Variants in TSC22D1 observed in about 807,000 individuals in gnomAD.
The protein encoded by TSC22D1 is TSC22 domain family member 1.
A neutral mutation model predicts 74.2 loss-of-function variants in TSC22D1; 9 were observed. That is an observed-to-expected ratio of 0.12 (90% CI 0.07 to 0.21). TSC22D1 has a LOEUF of 0.21. Ranked by LOEUF, TSC22D1 falls within the 10% of genes least tolerant of loss-of-function variation. TSC22D1 has a pLI of 1.00. For missense variants in TSC22D1, 1,427 were observed against 1,304.7 expected (o/e 1.09, Z -1.44); for synonymous variants, 586 against 492.5 (o/e 1.19, Z -2.51).
In TSC22D1 at chr13:44,432,641, C is replaced by T. The variant is rs564449866; in HGVS notation, c.*1985G>A. On this transcript the variant is annotated 3_prime_UTR_variant, in exon 3 of 3. Coordinates refer to ENST00000458659, the MANE Select transcript of TSC22D1 (RefSeq NM_183422.4). ...TTAGGGATCTTGGATGTCCCATTCA[C>T]CTCTCAATCTCCCACCAGCTCTAGA... is the stretch of plus-strand genomic sequence containing the variant. 6.6e-6 allele frequency: 1 copy of T among 152,268 alleles called. No individual in the cohort carries two copies. Among genetic ancestry groups the T allele is most frequent in the East Asian group, 1.9e-4 (1 of 5,184 alleles). 9.4% of individuals were successfully genotyped at this position (152,268 alleles called of 1,614,324 possible).
intron 1 of TSC22D1, among the ~76,000 whole-genome samples, chr13:44,550,596 A>G (rs1882171192): frequency 6.6e-6 from 1 of 151,940 alleles, no homozygotes; most frequent in Non-Finnish European, 1.5e-5. Context: ...GAAAAAAAAA[A>G]AAAAGAAAAA....
At chr13:44,455,085 A>C (rs528602178) in intron 1 of TSC22D1, among the ~76,000 whole-genome samples, 9 of 152,352 alleles carry the variant, frequency 5.9e-5, no homozygotes, top group African/African-American at 2.2e-4. Flanking sequence ...AAGACAAATA[A>C]GTACATATAC....
intron 1 of TSC22D1, among the ~76,000 whole-genome samples, chr13:44,517,851 A>ATG (rs1566149903): frequency 4.6e-5 from 1 of 21,764 alleles, no homozygotes; most frequent in Non-Finnish European, 1.6e-4. Flanking sequence ...ATATATATAT[A>ATG]TATATATTTT....
At chr13:44,564,369 TAAAAG>T (rs1883233511) in intron 1 of TSC22D1, among the ~76,000 whole-genome samples, 1 of 152,100 alleles carries the variant, frequency 6.6e-6, no homozygotes, top group African/African-American at 2.4e-5. Flanking sequence ...ATAAGCATTA[TAAAAG>T]AAAAGAACAA....
intron 1 of TSC22D1, among the ~76,000 whole-genome samples, chr13:44,467,564 C>T (rs750214353): frequency 2.0e-5 from 3 of 151,938 alleles, no homozygotes; most frequent in Non-Finnish European, 4.4e-5. Context: ...AAAATAACTC[C>T]GTTAAAAAGT....
chr13:44,493,318 T>C (rs1049978707), intron 1 of TSC22D1, among the ~76,000 whole-genome samples: 1 of 152,168 alleles, frequency 6.6e-6, no homozygotes, highest in Admixed American at 6.5e-5. Context: ...TTCAAAGAAC[T>C]GTGTTTGTCT....
chr13:44,487,250 G>A (rs984594795), intron 1 of TSC22D1, among the ~76,000 whole-genome samples: 21 of 151,970 alleles, frequency 1.4e-4, no homozygotes, highest in Admixed American at 1.3e-4. Flanking sequence ...TGTAATCCCA[G>A]CACTTTGGGA....
At chr13:44,558,610 C>T (rs1478672847) in intron 1 of TSC22D1, among the ~76,000 whole-genome samples, 1 of 152,094 alleles carries the variant, frequency 6.6e-6, no homozygotes, top group East Asian at 1.9e-4. Context: ...CATGGTGCCA[C>T]ATGCCTGTAA....
At chr13:44,464,383 T>C (rs1328303229) in intron 1 of TSC22D1, among the ~76,000 whole-genome samples, 1 of 152,194 alleles carries the variant, frequency 6.6e-6, no homozygotes, top group Non-Finnish European at 1.5e-5. Flanking sequence ...CATTCACTCA[T>C]TGAACAAATG....
At chr13:44,517,857 A>ATATATATTTT (rs10627677) in intron 1 of TSC22D1, among the ~76,000 whole-genome samples, 2 of 16,172 alleles carry the variant, frequency 1.2e-4, no homozygotes, top group African/African-American at 1.8e-4. Flanking sequence ...ATATATATAT[A>ATATATATTTT]TTTTTTTTTT....
At chr13:44,469,133 A>T (rs1487346823) in intron 1 of TSC22D1, among the ~76,000 whole-genome samples, 1 of 152,114 alleles carries the variant, frequency 6.6e-6, no homozygotes, top group African/African-American at 2.4e-5. Context: ...CCTGCCTGTC[A>T]CCCATGCAAT....
rs752048283 is a variant in TSC22D1, at chr13:44,574,498, C to T, written c.1577G>A (p.Gly526Asp). The T allele has an allele frequency of 6.2e-7, 1 of 1,614,142 alleles. No individual in the cohort carries two copies. Among genetic ancestry groups the T allele is most frequent in the East Asian group, 2.2e-5 (1 of 44,882 alleles). Residue 526 changes from glycine to aspartate, a missense_variant, in exon 1 of 3, where the codon GGT (glycine) becomes GAT (aspartate). Physicochemically the swap from Gly to Asp is moderately conservative, Grantham distance 94. Coordinates refer to ENST00000458659, the MANE Select transcript of TSC22D1 (RefSeq NM_183422.4). ...ACTAACTGCTGGAATACTCTGTGGA[C>T]CAGTGCTACCAAAATCCATCTGTTG... ...TLQQMDFGST[G>D]PQSIPAVSIP...
chr13:44,517,857 A>ATATATTTTTT (rs10627677), intron 1 of TSC22D1, among the ~76,000 whole-genome samples: 1 of 16,176 alleles, frequency 6.2e-5, no homozygotes, highest in African/African-American at 1.8e-4. Flanking sequence ...ATATATATAT[A>ATATATTTTTT]TTTTTTTTTT....
At chr13:44,472,619 C>T (rs1877669975) in intron 1 of TSC22D1, among the ~76,000 whole-genome samples, 1 of 152,032 alleles carries the variant, frequency 6.6e-6, no homozygotes, top group South Asian at 2.1e-4. Flanking sequence ...AATTTGAGAC[C>T]ACCCTGGACA....
chr13:44,528,616 A>G (rs768782854), intron 1 of TSC22D1, among the ~76,000 whole-genome samples: 2 of 152,022 alleles, frequency 1.3e-5, no homozygotes, highest in Non-Finnish European at 2.9e-5. Flanking sequence ...AAACTGAAAC[A>G]GAAGAGCAAT....
chr13:44,568,361 G>A (rs1320964113), intron 1 of TSC22D1, among the ~76,000 whole-genome samples: 1 of 152,072 alleles, frequency 6.6e-6, no homozygotes, highest in African/African-American at 2.4e-5. Context: ...CATCCTAAGA[G>A]GCATCTGATG....
chr13:44,434,433 A>C lies in TSC22D1; in HGVS notation c.*193T>G, dbSNP rs1874342124. 2.2e-6 allele frequency: 3 copies of C among 1,355,802 alleles called. No individual in the cohort carries two copies. The East Asian group carries it at 8.6e-5, about 39-fold the overall frequency. The allele number at this position is 1,355,802 out of a possible 1,614,324, so 84.0% of individuals were successfully genotyped here. The stretch of plus-strand genomic sequence containing the variant: ...TCTCGGATTAACCTTTAATTCACCC[A>C]ACTAAGAAATTTCTCCAAGCCATAA... On this transcript the variant is annotated 3_prime_UTR_variant, in exon 3 of 3. Coordinates refer to ENST00000458659, the MANE Select transcript of TSC22D1 (RefSeq NM_183422.4).
chr13:44,480,054 T>C (rs769336379), intron 1 of TSC22D1, among the ~76,000 whole-genome samples: 1 of 152,106 alleles, frequency 6.6e-6, no homozygotes, highest in Non-Finnish European at 1.5e-5. Flanking sequence ...CTGAGAAATA[T>C]TAAATTTGAA....
chr13:44,487,132 A>G (rs985175737), intron 1 of TSC22D1, among the ~76,000 whole-genome samples: 3 of 152,154 alleles, frequency 2.0e-5, no homozygotes, highest in Non-Finnish European at 4.4e-5. Context: ...TATATATAAA[A>G]TTATTTACTC....
Sources: allele counts gnomAD v4.1 joint callset (sites outside exome capture counted in the v4.1 genomes callset), GRCh38; gene constraint gnomAD v4.1.1; transcripts MANE v1.5; gene names NCBI Gene and HGNC (gene_info 2026-07-23, HGNC 2026-07-21).